The following BTBD8 variants were observed in gnomAD, a reference collection of about 807,000 sequenced individuals.
The protein encoded by BTBD8 is BTB/POZ domain-containing protein 8.
A neutral mutation model predicts 162.9 loss-of-function variants in BTBD8; 110 were observed. That is an observed-to-expected ratio of 0.68 (90% CI 0.58 to 0.79). BTBD8 has a LOEUF of 0.79. BTBD8 is among the 30% of genes least tolerant of loss of function. BTBD8 has a pLI of 0.00. For missense variants in BTBD8, 1,905 were observed against 2,085.4 expected, an observed-to-expected ratio of 0.91 and a Z score of 1.68; for synonymous variants, 667 against 716.1, an observed-to-expected ratio of 0.93 and a Z score of 1.10.
rs1476363417 is a variant in BTBD8 at position 92,168,001 on chromosome 1, A to C, written c.1443+16A>C. ...AAAGGAAATGGTACTGAATGTAATG[A>C]AATTTATTAAAATAATGCAATATTT... On this transcript the variant is annotated intron_variant, in intron 11 of 17. Coordinates refer to ENST00000636805, the MANE Select transcript of BTBD8 (RefSeq NM_001376131.1). 1 of 1,516,492 alleles carries C rather than the reference A, an allele frequency of 6.6e-7. No homozygotes were observed. The highest frequency in any genetic ancestry group is 8.9e-7 in the Non-Finnish European group (1 of 1,128,172). 93.9% of individuals were successfully genotyped at this position (1,516,492 alleles called of 1,614,324 possible). A position where few individuals can be genotyped will look rare whatever the true frequency, so the allele number is the denominator to read the frequency against.
In BTBD8 at chr1:92,080,557, G is replaced by C. The variant is rs759239946; in HGVS notation, c.-15G>C. 1.2e-6 allele frequency: 2 copies of C among 1,612,950 alleles called. No homozygotes were observed. Among genetic ancestry groups the C allele is most frequent in the Non-Finnish European group, 1.7e-6 (2 of 1,179,616 alleles). On this transcript the variant is annotated 5_prime_UTR_variant, in exon 1 of 18. Coordinates refer to ENST00000636805, the MANE Select transcript of BTBD8 (RefSeq NM_001376131.1). ...CCAAGTACTGGGCCTCCAGGGCGTC[G>C]TACCTCTGTGAGACATGGCTCGCTG...
chr1:92,095,268 A>G (rs1648416745), intron 2 of BTBD8, among the ~76,000 whole-genome samples: 1 of 152,166 alleles, frequency 6.6e-6, no homozygotes, highest in Non-Finnish European at 1.5e-5. Context: ...GCCAGTCAAC[A>G]TTATTCAAAA....
Position 92,183,961 on chromosome 1 carries a change from A to G in BTBD8, c.5010A>G (p.Glu1670=). The G allele has an allele frequency of 6.4e-7, 1 of 1,551,618 alleles. No homozygotes were observed. Among genetic ancestry groups the G allele is most frequent in the South Asian group, 1.2e-5 (1 of 84,050 alleles). Residue 1670 remains glutamate, a synonymous_variant, in exon 18 of 18, where the codon GAA becomes GAG. Coordinates refer to ENST00000636805, the MANE Select transcript of BTBD8 (RefSeq NM_001376131.1). ...CAATATATGAGATGGATGTAATAGAAGCATTTGAGCAGAAAGTGGAATCAG... is the reference window on the plus strand; with the variant it reads ...CAATATATGAGATGGATGTAATAGAGGCATTTGAGCAGAAAGTGGAATCAG... The part of the protein sequence containing the change: ...LSPIYEMDVI[E]AFEQKVESET...
At chr1:92,117,000 C>T (rs1448043626) in intron 4 of BTBD8, among the ~76,000 whole-genome samples, 1 of 151,764 alleles carries the variant, frequency 6.6e-6, no homozygotes, top group East Asian at 1.9e-4. Flanking sequence ...AGGCATTTGC[C>T]ATCATACTCA....
At chr1:92,141,043 T>C in intron 6 of BTBD8, 72 bp from the exon 7 acceptor site, 1 of 1,334,554 alleles carries the variant, frequency 7.5e-7, no homozygotes, top group South Asian at 1.6e-5. Flanking sequence ...CTATATATTA[T>C]CAATAAATTA....
chr1:92,119,287 C>CTTTTTTTTTT (rs905843721), intron 4 of BTBD8, among the ~76,000 whole-genome samples: 3 of 132,882 alleles, frequency 2.3e-5, no homozygotes, highest in African/African-American at 5.6e-5. Context: ...TTCTTTTTTT[C>CTTTTTTTTTT]TTTTTTTTTT....
At chr1:92,156,927 A>G (rs1315952188) in intron 9 of BTBD8, among the ~76,000 whole-genome samples, 1 of 147,044 alleles carries the variant, frequency 6.8e-6, no homozygotes, top group South Asian at 2.1e-4. Flanking sequence ...TCTATCCTCT[A>G]TTTCTGCTCT....
In BTBD8 at chr1:92,181,489, A is replaced by G. The variant is rs1027970391; in HGVS notation, c.3806A>G (p.Tyr1269Cys). The G allele has an allele frequency of 1.8e-5, 28 of 1,551,650 alleles. No individual in the cohort carries two copies. The highest frequency in any genetic ancestry group is 4.1e-5 in the African/African-American group (3 of 73,050). ...SDDIKPRSED[Y>C]DAGGSQDDDG... Reference sequence around the variant, plus strand: ...GACATAAAGCCCAGATCTGAAGACTATGATGCTGGAGGGTCTCAGGATGAT... The same window carrying G: ...GACATAAAGCCCAGATCTGAAGACTGTGATGCTGGAGGGTCTCAGGATGAT... Residue 1269 changes from tyrosine to cysteine, a missense_variant, in exon 17 of 18, where the codon TAT becomes TGT. By Grantham distance (194) the Tyr-to-Cys change is radical. Coordinates refer to ENST00000636805, the MANE Select transcript of BTBD8 (RefSeq NM_001376131.1).
At chr1:92,110,970 T>C (rs923820519) in intron 4 of BTBD8, among the ~76,000 whole-genome samples, 3 of 152,102 alleles carry the variant, frequency 2.0e-5, no homozygotes, top group African/African-American at 7.2e-5. Context: ...TGCTGCCTCG[T>C]TGAAAAAGCA....
At chr1:92,103,295 G>A (rs533905170) in intron 3 of BTBD8, among the ~76,000 whole-genome samples, 7 of 152,266 alleles carry the variant, frequency 4.6e-5, no homozygotes, top group South Asian at 2.1e-4. Flanking sequence ...AATTACTTAC[G>A]TGATTTATCC....
chr1:92,143,967 TTC>T (rs1354299417), intron 7 of BTBD8, among the ~76,000 whole-genome samples: 21 of 147,506 alleles, frequency 1.4e-4, no homozygotes, highest in Non-Finnish European at 4.5e-5. Flanking sequence ...GAACTTTTAG[TTC>T]TTTTTTTTTT....
chr1:92,147,479 G>A (rs931761948), intron 8 of BTBD8, among the ~76,000 whole-genome samples: 3 of 152,060 alleles, frequency 2.0e-5, no homozygotes, highest in Non-Finnish European at 2.9e-5. Context: ...CTGAACCATG[G>A]TTAATTATGT....
At position 92,176,985 on chromosome 1, in the gene BTBD8, A is replaced by G; in HGVS notation, c.1792A>G (p.Ile598Val). Residue 598 changes from isoleucine to valine, a missense_variant, in exon 14 of 18, where the codon ATA (isoleucine) becomes GTA (valine). Physicochemically the swap from Ile to Val is conservative, Grantham distance 29. Coordinates refer to ENST00000636805, the MANE Select transcript of BTBD8 (RefSeq NM_001376131.1). The stretch of plus-strand genomic sequence containing the variant: ...TTCGTCAAGTACCAATAGAAATAGT[A>G]TAAATAAAACTCTGAAGCAAGATGA... ...GHSSSTNRNS[I>V]NKTLKQDDVK... 4 of 1,547,736 alleles carry G rather than the reference A, an allele frequency of 2.6e-6. No homozygotes were observed. The highest frequency in any genetic ancestry group is 2.4e-5 in the East Asian group (1 of 40,902).
intron 9 of BTBD8, among the ~76,000 whole-genome samples, chr1:92,157,501 C>CTTAT (rs1650187293): frequency 6.6e-6 from 1 of 151,928 alleles, no homozygotes; most frequent in African/African-American, 2.4e-5. Context: ...TTCTTATTTA[C>CTTAT]TTATTTATTT....
At chr1:92,111,665 A>C (rs2101910850) in intron 4 of BTBD8, among the ~76,000 whole-genome samples, 1 of 152,306 alleles carries the variant, frequency 6.6e-6, no homozygotes, top group South Asian at 2.1e-4. Flanking sequence ...TAGTAGTAGA[A>C]ATTATAGCAT....
At chr1:92,125,275 C>A in intron 4 of BTBD8, 1 of 172,068 alleles carries the variant, frequency 5.8e-6, no homozygotes, top group South Asian at 1.4e-4. Context: ...ATAGAGGGGA[C>A]CTGAGACACT....
chr1:92,153,032 A>G (rs1650082289), intron 9 of BTBD8, among the ~76,000 whole-genome samples: 1 of 152,200 alleles, frequency 6.6e-6, no homozygotes, highest in Non-Finnish European at 1.5e-5. Flanking sequence ...AATTCGAAGT[A>G]TGTTACCCAG....
At chr1:92,089,299 G>T (rs2101893356) in intron 2 of BTBD8, among the ~76,000 whole-genome samples, 1 of 152,250 alleles carries the variant, frequency 6.6e-6, no homozygotes, top group South Asian at 2.1e-4. Flanking sequence ...AGGATGTTTA[G>T]TTGTGACCGA....
rs11375777 is a variant in BTBD8, at chr1:92,134,895, A to ATT, written c.753-4442_753-4441dup. On this transcript the variant is annotated intron_variant, in intron 5 of 17. Coordinates refer to ENST00000636805, the MANE Select transcript of BTBD8 (RefSeq NM_001376131.1). ...TTTTATTTAATTAATTAATTAATTAATTTTTTTTTTTTTTAGACAGAATTT... is the reference window on the plus strand; with the variant it reads ...TTTTATTTAATTAATTAATTAATTAATTTTTTTTTTTTTTTTAGACAGAATTT... Among the ~76,000 whole-genome samples the ATT allele has an allele frequency of 2.6e-3, 375 of 144,418 alleles. 2 individuals carry two copies. The highest frequency in any genetic ancestry group is 7.1e-3 in the African/African-American group (281 of 39,448). The allele number at this position is 144,418 out of a possible 152,430, so 94.7% of individuals were successfully genotyped here.
Sources: allele counts gnomAD v4.1 joint callset (sites outside exome capture counted in the v4.1 genomes callset), GRCh38; gene constraint gnomAD v4.1.1; transcripts MANE v1.5; gene names NCBI Gene and HGNC (gene_info 2026-07-23, HGNC 2026-07-21).